The following BAHCC1 variants were observed in gnomAD, a reference collection of about 807,000 sequenced individuals.
The protein encoded by BAHCC1 is BAH and coiled-coil domain-containing protein 1.
In BAHCC1, 43 loss-of-function variants were observed where a neutral mutation model predicts 88.2. The observed-to-expected ratio is 0.49, with a 90% CI of 0.38 to 0.63. The LOEUF is 0.63. Among genes scored for constraint, BAHCC1 ranks in the 20% least tolerant of loss-of-function variants. BAHCC1 has a pLI of 0.00. For synonymous variants in BAHCC1, 1,510 were observed against 745.5 expected, an observed-to-expected ratio of 2.03 and a Z score of -16.71; for missense variants, 3,023 against 1,654.8, an observed-to-expected ratio of 1.83 and a Z score of -14.34.
chr17:81,442,095 G>A lies in BAHCC1; in HGVS notation c.746G>A (p.Arg249Gln), dbSNP rs782503571. 2 of 702,776 alleles carry A rather than the reference G, an allele frequency of 2.8e-6. No homozygotes were observed. Among genetic ancestry groups the A allele is most frequent in the South Asian group, 1.5e-5 (1 of 65,790 alleles). 43.5% of individuals were successfully genotyped at this position (702,776 alleles called of 1,614,324 possible). The change falls in exon 5 of 28, where the codon CGG becomes CAG. Residue 249 changes from arginine (R) to glutamine (Q), a missense_variant. Coordinates refer to ENST00000675386, the MANE Select transcript of BAHCC1 (RefSeq NM_001377448.1). ...GCAGAGGAGGACGGTGGCAAGGAGC[G>A]GCACAAGCTGGTGCTGCCCGTGCCA... is the stretch of plus-strand genomic sequence containing the variant. ...PAAEEDGGKE[R>Q]HKLVLPVPAD...
In BAHCC1 at chr17:81,411,634, G is replaced by T. The variant is rs1567998236; in HGVS notation, c.178+11717G>T. The T allele has an allele frequency of 2.5e-6, 1 of 405,050 alleles. No individual in the cohort carries two copies. Among genetic ancestry groups the T allele is most frequent in the East Asian group, 7.6e-5 (1 of 13,110 alleles). The allele number at this position is 405,050 out of a possible 1,614,324, so 25.1% of individuals were successfully genotyped here. A position where few individuals can be genotyped will look rare whatever the true frequency, so the allele number is the denominator to read the frequency against. ...GTGAGCTGCTGGCCACCCGAAGAGGGTGTGGGGTGGTCAGGTTTGGGGCAT... is the reference window on the plus strand; with the variant it reads ...GTGAGCTGCTGGCCACCCGAAGAGGTTGTGGGGTGGTCAGGTTTGGGGCAT... On this transcript the variant is annotated intron_variant, in intron 2 of 27. Transcript: ENST00000675386. The surrounding 1 kb of genome is among the most constrained non-coding windows in gnomAD (Gnocchi z 6.2).
At position 81,399,163 on chromosome 17, in the gene BAHCC1, G is replaced by A. The variant is rs1555645441; in HGVS notation, c.-206-371G>A. The stretch of plus-strand genomic sequence containing the variant: ...TGTGTGTGTGTGTGTGCGAGTGTGC[G>A]TGATGGCTTCGCAGATTTGGGTTTT... On this transcript the variant is annotated intron_variant, in intron 1 of 27. Coordinates refer to ENST00000675386, the MANE Select transcript of BAHCC1 (RefSeq NM_001377448.1). This position sits in a 1 kb window ranked among gnomAD's most constrained non-coding sequence, Gnocchi z 4.5. 7.4e-6 allele frequency: 3 copies of A among 408,042 alleles called. No homozygotes were observed. The highest frequency in any genetic ancestry group is 1.2e-4 in the East Asian group (1 of 8,624). The allele number at this position is 408,042 out of a possible 1,614,324, so 25.3% of individuals were successfully genotyped here.
intron 4 of BAHCC1, among the ~76,000 whole-genome samples, chr17:81,439,686 G>T (rs1329049269): frequency 1.3e-5 from 2 of 151,834 alleles, no homozygotes; most frequent in African/African-American, 4.8e-5. Context: ...AGGAGCCCTG[G>T]CGTTTAGGGC....
At chr17:81,454,717 G>A (rs1555656800) in intron 14 of BAHCC1, among the ~76,000 whole-genome samples, 1 of 152,150 alleles carries the variant, frequency 6.6e-6, no homozygotes, top group East Asian at 1.9e-4. Flanking sequence ...GCCGGGCCCG[G>A]CCTGCATAAG....
Position 81,465,928 on chromosome 17 carries a change from A to T in BAHCC1, c.*2111A>T, listed in dbSNP as rs367645947. On this transcript the variant is annotated 3_prime_UTR_variant, in exon 28 of 28. Coordinates refer to ENST00000675386, the MANE Select transcript of BAHCC1 (RefSeq NM_001377448.1). The stretch of plus-strand genomic sequence containing the variant: ...GAGGCTCGGGGATCAGAACGATGTC[A>T]AGTGAAGAAAAATGCACGGGGGCAT... 1 of 152,642 alleles carries T rather than the reference A, an allele frequency of 6.6e-6. No homozygotes were observed. Among genetic ancestry groups the T allele is most frequent in the African/African-American group, 2.4e-5 (1 of 41,572 alleles). 9.5% of individuals were successfully genotyped at this position (152,642 alleles called of 1,614,324 possible). A position where few individuals can be genotyped will look rare whatever the true frequency, so the allele number is the denominator to read the frequency against.
At chr17:81,450,830 C>T (rs1214519287) in intron 11 of BAHCC1, among the ~76,000 whole-genome samples, 1 of 152,152 alleles carries the variant, frequency 6.6e-6, no homozygotes, top group African/African-American at 2.4e-5. Flanking sequence ...GGTACTGGAG[C>T]CCAGGAGTTC....
chr17:81,413,195 C>T (rs1005315432), intron 2 of BAHCC1: 1 of 408,724 alleles, frequency 2.4e-6, no homozygotes, highest in Non-Finnish European at 4.9e-6. Context: ...GCTGTGGCTG[C>T]CTCCCCTGTG....
At chr17:81,444,616 C>T (rs782417815) in intron 7 of BAHCC1, 48 bp downstream of exon 7, 14 of 754,564 alleles carry the variant, frequency 1.9e-5, no homozygotes, top group Middle Eastern at 4.6e-4. Flanking sequence ...TGAGGGTTCC[C>T]TCCTGGTCCC....
chr17:81,443,449 G>T lies in BAHCC1; in HGVS notation c.2100G>T (p.Gln700His), dbSNP rs376358163. The T allele has an allele frequency of 1.3e-6, 1 of 741,072 alleles. No homozygotes were observed. The allele number at this position is 741,072 out of a possible 1,614,324, so 45.9% of individuals were successfully genotyped here. The stretch of plus-strand genomic sequence containing the variant: ...CGCACGGCGACGGGGAGGTGCGGCA[G>T]CCCCCTGTGGGCATTGCAGTGGCCT... ...DTTHGDGEVR[Q>H]PPVGIAVALA... Residue 700 changes from glutamine (Q) to histidine (H), a missense_variant, in exon 5 of 28, where the codon CAG becomes CAT. Coordinates refer to ENST00000675386, the MANE Select transcript of BAHCC1 (RefSeq NM_001377448.1).
At chr17:81,428,897 T>C (rs1312906581) in intron 3 of BAHCC1, among the ~76,000 whole-genome samples, 2 of 152,212 alleles carry the variant, frequency 1.3e-5, no homozygotes, top group Non-Finnish European at 2.9e-5. Context: ...GGGAAGCCAA[T>C]GTCCTGCCAC....
intron 4 of BAHCC1, among the ~76,000 whole-genome samples, chr17:81,441,498 T>TA: frequency 6.6e-6 from 1 of 151,922 alleles, no homozygotes; most frequent in Middle Eastern, 3.4e-3. Context: ...CCGTCTCTAC[T>TA]AAAAATACAA....
chr17:81,459,870 A>G (rs1555658622), intron 23 of BAHCC1, among the ~76,000 whole-genome samples: 1 of 152,040 alleles, frequency 6.6e-6, no homozygotes, highest in Non-Finnish European at 1.5e-5. Flanking sequence ...GTCACAGAGT[A>G]CGTCAGGGGG....
At chr17:81,440,797 C>T (rs983465239) in intron 4 of BAHCC1, among the ~76,000 whole-genome samples, 3 of 152,166 alleles carry the variant, frequency 2.0e-5, no homozygotes, top group African/African-American at 7.2e-5. Flanking sequence ...CTGCTCTCTG[C>T]CCCCGGAGCC....
In BAHCC1 at chr17:81,462,845, C is replaced by T; in HGVS notation, c.7489C>T (p.Arg2497Trp). The change falls in exon 27 of 28, where the codon CGG becomes TGG. Residue 2497 changes from arginine (R) to tryptophan (W), a missense_variant. Transcript: ENST00000675386. ...CTGTGCCGTCTTCCTGTCAGCTGGG[C>T]GGCCCAACCTCCCCTACATCGGCCG... ...GDCAVFLSAGRPNLPYIGRIE... is the reference protein window; with the variant it reads ...GDCAVFLSAGWPNLPYIGRIE... The T allele has an allele frequency of 2.6e-6, 2 of 781,268 alleles. No homozygotes were observed. Among genetic ancestry groups the T allele is most frequent in the Non-Finnish European group, 2.4e-6 (1 of 418,668 alleles). 48.4% of individuals were successfully genotyped at this position (781,268 alleles called of 1,614,324 possible).
intron 2 of BAHCC1, among the ~76,000 whole-genome samples, chr17:81,418,786 T>C (rs367738533): frequency 1.1e-5 from 1 of 94,060 alleles, no homozygotes; most frequent in African/African-American, 3.7e-5. Context: ...CGTGTGTGTG[T>C]ACGTGTGTGC....
At chr17:81,422,309 T>C (rs1221920556) in intron 2 of BAHCC1, among the ~76,000 whole-genome samples, 1 of 152,202 alleles carries the variant, frequency 6.6e-6, no homozygotes, top group Admixed American at 6.5e-5. Flanking sequence ...CCGTGTCTGG[T>C]CTCTCTTGTG....
intron 4 of BAHCC1, among the ~76,000 whole-genome samples, chr17:81,440,552 C>A (rs1227318731): frequency 6.6e-6 from 1 of 152,222 alleles, no homozygotes; most frequent in Non-Finnish European, 1.5e-5. Context: ...TTGGCACCAC[C>A]CTGCTGCCCA....
Position 81,411,501 on chromosome 17 carries a change from TGCCTGCCTG to T in BAHCC1, c.178+11585_178+11593del, listed in dbSNP as rs2063950975. ...CTGCCTGCCTGCCTGCCTGCCTGCC[TGCCTGCCTG>T]CCTGCCTTCCTTCCTTCCTTCCTTC... is the stretch of plus-strand genomic sequence containing the variant. On this transcript the variant is annotated intron_variant, in intron 2 of 27. Transcript: ENST00000675386. The surrounding 1 kb of genome is among the most constrained non-coding windows in gnomAD (Gnocchi z 6.2). 1 of 318,794 alleles carries T rather than the reference TGCCTGCCTG, an allele frequency of 3.1e-6. No individual in the cohort carries two copies. The highest frequency in any genetic ancestry group is 3.4e-5 in the African/African-American group (1 of 29,362). 19.7% of individuals were successfully genotyped at this position (318,794 alleles called of 1,614,324 possible).
intron 2 of BAHCC1, among the ~76,000 whole-genome samples, chr17:81,421,503 G>A (rs1261452414): frequency 2.6e-5 from 4 of 152,242 alleles, no homozygotes; most frequent in South Asian, 2.1e-4. Context: ...AGGGCCTCAG[G>A]TGGCCGGCAG....
Sources: gnomAD v4.1 joint callset for allele counts (sites outside exome capture counted in the v4.1 genomes callset) on GRCh38, gnomAD v4.1.1 for gene constraint, Gnocchi (gnomAD v3.1) non-coding constraint, MANE v1.5 for transcripts, NCBI Gene and HGNC (gene_info 2026-07-23, HGNC 2026-07-21) for gene names.